The following OR51B5 variants were observed in gnomAD, a reference collection of about 807,000 sequenced individuals.
OR51B5 encodes olfactory receptor family 51 subfamily B member 5.
For missense variants in OR51B5, 456 were observed against 374.6 expected (o/e 1.22, Z -1.79); for synonymous variants, 186 against 144.8 (o/e 1.28, Z -2.04).
chr11:5,477,871 A>C (rs1320462353), intron 1 of OR51B5, among the ~76,000 whole-genome samples: 1 of 152,082 alleles, frequency 6.6e-6, no homozygotes, highest in Non-Finnish European at 1.5e-5. Flanking sequence ...ACGCCCACGG[A>C]GTCTCCCTGA....
intron 1 of OR51B5, among the ~76,000 whole-genome samples, chr11:5,477,402 C>T (rs749154900): frequency 6.6e-6 from 1 of 152,210 alleles, no homozygotes; most frequent in Non-Finnish European, 1.5e-5. Flanking sequence ...CTCCTTGAAG[C>T]TCCCAGGTTC....
chr11:5,417,135 C>T (rs949839267), intron 1 of OR51B5, among the ~76,000 whole-genome samples: 5 of 152,090 alleles, frequency 3.3e-5, no homozygotes, highest in African/African-American at 1.2e-4. Context: ...ATATCTGCAA[C>T]TATCTGATCT....
chr11:5,486,887 A>T (rs1243591583), intron 1 of OR51B5, among the ~76,000 whole-genome samples: 1 of 152,168 alleles, frequency 6.6e-6, no homozygotes, highest in East Asian at 1.9e-4. Context: ...GTAGGAATCA[A>T]TAAGATGCCT....
At chr11:5,477,935 G>C (rs1292038177) in intron 1 of OR51B5, among the ~76,000 whole-genome samples, 4 of 151,858 alleles carry the variant, frequency 2.6e-5, no homozygotes, top group Non-Finnish European at 4.4e-5. Context: ...AGGCTGGGGA[G>C]GGGCGCCCGC....
intron 1 of OR51B5, among the ~76,000 whole-genome samples, chr11:5,388,954 G>A (rs966513901): frequency 6.6e-5 from 10 of 152,156 alleles, no homozygotes; most frequent in Non-Finnish European, 8.8e-5. Flanking sequence ...TTGAGCCACT[G>A]AGATAATGAA....
intron 1 of OR51B5, chr11:5,455,753 G>C (rs908597329): frequency 1.3e-5 from 2 of 152,226 alleles, no homozygotes; most frequent in South Asian, 2.1e-4. Flanking sequence ...ACCAACAAGA[G>C]AGAGAGTCAG....
intron 1 of OR51B5, among the ~76,000 whole-genome samples, chr11:5,429,768 G>A (rs922845042): frequency 2.0e-5 from 3 of 152,166 alleles, no homozygotes; most frequent in African/African-American, 4.8e-5. Flanking sequence ...TAGAAAAAGG[G>A]TATAGCCAGG....
chr11:5,355,391 A>C (rs1375542013), intron 1 of OR51B5: 1 of 155,504 alleles, frequency 6.4e-6, no homozygotes, highest in African/African-American at 2.4e-5. Flanking sequence ...AAACTGGGTG[A>C]CCAGTATGCT....
At chr11:5,381,444 T>C (rs561872639) in intron 1 of OR51B5, among the ~76,000 whole-genome samples, 1 of 152,198 alleles carries the variant, frequency 6.6e-6, no homozygotes, top group African/African-American at 2.4e-5. Flanking sequence ...TGCTCCTTCA[T>C]TGTCCCCATC....
At chr11:5,474,112 T>C (rs746410921) in intron 1 of OR51B5, among the ~76,000 whole-genome samples, 4 of 152,186 alleles carry the variant, frequency 2.6e-5, no homozygotes, top group Non-Finnish European at 5.9e-5. Flanking sequence ...TTACTATTTA[T>C]TGATGACCAA....
chr11:5,352,869 CTG>C (rs72202255), intron 1 of OR51B5, among the ~76,000 whole-genome samples: 3 of 146,522 alleles, frequency 2.0e-5, no homozygotes, highest in East Asian at 2.0e-4. Context: ...GTGTATGTAT[CTG>C]TGTGTGTTTA....
At chr11:5,386,438 A>T (rs773915574) in intron 1 of OR51B5, among the ~76,000 whole-genome samples, 1 of 152,210 alleles carries the variant, frequency 6.6e-6, no homozygotes, top group Non-Finnish European at 1.5e-5. Context: ...CTTGTGAAGT[A>T]GTAATAAAAT....
intron 1 of OR51B5, among the ~76,000 whole-genome samples, chr11:5,457,458 G>A (rs1850976973): frequency 6.6e-6 from 1 of 152,102 alleles, no homozygotes; most frequent in Admixed American, 6.5e-5. Context: ...GTGTCTTTTT[G>A]GTAGAATGAT....
intron 1 of OR51B5, among the ~76,000 whole-genome samples, chr11:5,446,004 G>T (rs1177794134): frequency 6.6e-6 from 1 of 151,788 alleles, no homozygotes; most frequent in African/African-American, 2.4e-5. Flanking sequence ...CTATCCCAAG[G>T]ACAAAAAACC....
intron 1 of OR51B5, among the ~76,000 whole-genome samples, chr11:5,406,347 A>T (rs1238427168): frequency 6.6e-6 from 1 of 152,048 alleles, no homozygotes; most frequent in East Asian, 1.9e-4. Flanking sequence ...TATTTTTTCC[A>T]ATCTTTATCC....
chr11:5,391,270 C>G (rs920610494), intron 1 of OR51B5: 1 of 152,178 alleles, frequency 6.6e-6, no homozygotes, highest in African/African-American at 2.4e-5. Context: ...AAATTGCTTC[C>G]TCAAGGACAT....
intron 1 of OR51B5, among the ~76,000 whole-genome samples, chr11:5,415,865 C>T (rs919150657): frequency 1.5e-4 from 22 of 151,508 alleles, no homozygotes; most frequent in Non-Finnish European, 5.9e-5. Flanking sequence ...GAACTGGTAC[C>T]ATTCCTTCTG....
chr11:5,496,578 G>A (rs1564833579), intron 1 of OR51B5, among the ~76,000 whole-genome samples: 2 of 152,128 alleles, frequency 1.3e-5, no homozygotes, highest in Non-Finnish European at 2.9e-5. Flanking sequence ...TCCCAATCCC[G>A]ATAACACACT....
intron 1 of OR51B5, chr11:5,389,247 A>T: frequency 1.3e-6 from 1 of 770,568 alleles, no homozygotes; most frequent in Non-Finnish European, 2.1e-6. Flanking sequence ...AAGTTCAATA[A>T]AGTAGTGAGA....
Sources: gnomAD v4.1 joint callset for allele counts (sites outside exome capture counted in the v4.1 genomes callset) on GRCh38, gnomAD v4.1.1 for gene constraint, MANE v1.5 for transcripts, NCBI Gene and HGNC (gene_info 2026-07-23, HGNC 2026-07-21) for gene names.